The following ESAM variants were observed in gnomAD, a reference collection of about 807,000 sequenced individuals.
The protein encoded by ESAM is endothelial cell-selective adhesion molecule.
A neutral mutation model predicts 31.8 loss-of-function variants in ESAM; 23 were observed. The ratio of observed to expected loss-of-function variants is 0.72; its 90% confidence interval spans 0.52 to 1.03. ESAM has a LOEUF of 1.03. Ranked by LOEUF, ESAM falls within the 50% of genes least tolerant of loss-of-function variation. The probability of loss-of-function intolerance (pLI) is 0.00; values close to 1 mark genes in which losing one functional copy is unlikely to be tolerated. For synonymous variants in ESAM, 216 were observed against 207.2 expected, an observed-to-expected ratio of 1.04 and a Z score of -0.37; for missense variants, 478 against 488.9, an observed-to-expected ratio of 0.98 and a Z score of 0.21.
chr11:124,754,857 C>G lies in ESAM; in HGVS notation c.608-94G>C, dbSNP rs1458855879. 6.8e-7 allele frequency: 1 copy of G among 1,477,866 alleles called. No homozygotes were observed. Among genetic ancestry groups the G allele is most frequent in the Non-Finnish European group, 9.0e-7 (1 of 1,107,118 alleles). 91.5% of individuals were successfully genotyped at this position (1,477,866 alleles called of 1,614,324 possible). A position where few individuals can be genotyped will look rare whatever the true frequency, so the allele number is the denominator to read the frequency against. ...CCTCCTCTGGAATGTCCCCTTTGAC[C>G]CTCTGGGAGTCACGGCTTGTCTATT... is the stretch of plus-strand genomic sequence containing the variant. On this transcript the variant is annotated intron_variant, in intron 4 of 6. Transcript: ENST00000278927. This position sits in a 1 kb window ranked among gnomAD's most constrained non-coding sequence, Gnocchi z 4.5.
rs1329684504 is a variant in ESAM at position 124,759,976 on chromosome 11, C to T, written c.71-1449G>A. On this transcript the variant is annotated intron_variant, in intron 1 of 6. Coordinates refer to ENST00000278927, the MANE Select transcript of ESAM (RefSeq NM_138961.3). The surrounding 1 kb of genome is among the most constrained non-coding windows in gnomAD (Gnocchi z 6.8). ...CCCCAGCCTTTCTACGACACACACC[C>T]GGCGGCCAGAAAGGGTTTCCGCCGG... Among the ~76,000 whole-genome samples, 1 of 152,252 alleles carries T rather than the reference C, an allele frequency of 6.6e-6. No homozygotes were observed. The highest frequency in any genetic ancestry group is 1.9e-4 in the East Asian group (1 of 5,188).
chr11:124,758,256 T>C, intron 2 of ESAM, 93 bp downstream of exon 2: 2 of 1,414,982 alleles, frequency 1.4e-6, no homozygotes, highest in Non-Finnish European at 9.8e-7. Flanking sequence ...CCGGCCCCCA[T>C]TCCCTCTCCA....
chr11:124,756,807 C>G, intron 2 of ESAM, 65 bp from the exon 3 acceptor site: 1 of 1,533,662 alleles, frequency 6.5e-7, no homozygotes, highest in Non-Finnish European at 8.9e-7. Flanking sequence ...CAGGCTCAGC[C>G]ACTCTCCCTC....
chr11:124,755,633 AAC>A (rs570230311), intron 4 of ESAM, among the ~76,000 whole-genome samples: 20 of 151,734 alleles, frequency 1.3e-4, no homozygotes, highest in Non-Finnish European at 2.4e-4. Flanking sequence ...ACCTAGATCC[AAC>A]AGTTGCTAAC....
chr11:124,758,592 C>A (rs1944186626), intron 1 of ESAM, 65 bp from the exon 2 acceptor site: 1 of 1,436,202 alleles, frequency 7.0e-7, no homozygotes, highest in Non-Finnish European at 9.1e-7. Context: ...GGACCCTGCC[C>A]TACGCGGCTT....
At position 124,759,398 on chromosome 11, in the gene ESAM, A is replaced by G. The variant is rs1944199722; in HGVS notation, c.71-871T>C. 1 of 152,352 alleles carries G rather than the reference A, an allele frequency of 6.6e-6. No homozygotes were observed. 9.4% of individuals were successfully genotyped at this position (152,352 alleles called of 1,614,324 possible). A position where few individuals can be genotyped will look rare whatever the true frequency, so the allele number is the denominator to read the frequency against. ...TCATCCTTTGCCCTTCGGGGAGGCA[A>G]CAGAGCAGCCAACTGGTAAGCCCTT... On this transcript the variant is annotated intron_variant, in intron 1 of 6. Coordinates refer to ENST00000278927, the MANE Select transcript of ESAM (RefSeq NM_138961.3). The surrounding 1 kb of genome is among the most constrained non-coding windows in gnomAD (Gnocchi z 6.8).
rs116606979 is a variant in ESAM at position 124,758,505 on chromosome 11, C to A, written c.93G>T (p.Leu31=). ...SALAPPSRAQ[L]QLHLPANRLQ... ...ACCGGTTGGCGGGCAAGTGCAGTTG[C>A]AGCTGGGCCCGCGAGGGGGGCGCTG... is the stretch of plus-strand genomic sequence containing the variant. Residue 31 remains leucine, a synonymous_variant, in exon 2 of 7, where the codon CTG becomes CTT. Transcript: ENST00000278927. 5,109 of 1,587,602 alleles carry A rather than the reference C, an allele frequency of 3.2e-3. 14 individuals carry two copies. The highest frequency in any genetic ancestry group is 3.9e-3 in the Non-Finnish European group (4,594 of 1,166,742).
In ESAM at chr11:124,753,681, C is replaced by T. The variant is rs369537646; in HGVS notation, c.1138G>A (p.Val380Met). ...GAGCCAGCTTGACTCTGGGCAGGCA[C>T]CATCACAGGCACAGCACCCATGCGG... ...LSRMGAVPVM[V>M]PAQSQAGSLV is the part of the protein sequence containing the mutation. The change falls in exon 7 of 7, where the codon GTG becomes ATG. Residue 380 changes from valine to methionine, a missense_variant. Val to Met is a conservative substitution (Grantham distance 21). Coordinates refer to ENST00000278927, the MANE Select transcript of ESAM (RefSeq NM_138961.3). The T allele has an allele frequency of 4.3e-6, 7 of 1,613,814 alleles. No homozygotes were observed. In the African/African-American group the frequency reaches 6.7e-5, roughly 15 times the overall value.
At position 124,756,378 on chromosome 11, in the gene ESAM, C is replaced by A; in HGVS notation, c.452-16G>T. 1 of 1,587,794 alleles carries A rather than the reference C, an allele frequency of 6.3e-7. No homozygotes were observed. Among genetic ancestry groups the A allele is most frequent in the Non-Finnish European group, 8.6e-7 (1 of 1,166,224 alleles). ...GCTGGAGGAACTGGGCAGGGGGAGA[C>A]AGATTAAAACCACACCCAGGAGACC... On this transcript the variant is annotated splice_polypyrimidine_tract_variant and intron_variant, in intron 3 of 6. Coordinates refer to ENST00000278927, the MANE Select transcript of ESAM (RefSeq NM_138961.3).
chr11:124,754,912 G>A lies in ESAM; in HGVS notation c.608-149C>T. 1 of 1,063,054 alleles carries A rather than the reference G, an allele frequency of 9.4e-7. No homozygotes were observed. The highest frequency in any genetic ancestry group is 1.3e-6 in the Non-Finnish European group (1 of 761,244). The allele number at this position is 1,063,054 out of a possible 1,614,324, so 65.9% of individuals were successfully genotyped here. Reference sequence around the variant, plus strand: ...GATGGGGGGAGAGGTGTGACAGCTGGGCTTGGCTCCCAGCTGCAGACTGAC... The same window carrying A: ...GATGGGGGGAGAGGTGTGACAGCTGAGCTTGGCTCCCAGCTGCAGACTGAC... On this transcript the variant is annotated intron_variant, in intron 4 of 6. Transcript: ENST00000278927. The surrounding 1 kb of genome is among the most constrained non-coding windows in gnomAD (Gnocchi z 4.5).
At chr11:124,756,093 C>T (rs1196384596) in intron 4 of ESAM, 114 bp downstream of exon 4, 1 of 1,428,700 alleles carries the variant, frequency 7.0e-7, no homozygotes, top group Non-Finnish European at 9.6e-7. Flanking sequence ...CATCCTCCTC[C>T]TCCTCCCCAG....
chr11:124,754,687 A>G lies in ESAM; in HGVS notation c.684T>C (p.Asn228=). The change falls in exon 5 of 7, where the codon AAT becomes AAC. Residue 228 remains asparagine, a synonymous_variant. Coordinates refer to ENST00000278927, the MANE Select transcript of ESAM (RefSeq NM_138961.3). The surrounding 1 kb of genome is among the most constrained non-coding windows in gnomAD (Gnocchi z 4.5). Reference sequence around the variant, plus strand: ...CATTACATTGGGCAGTGCCCACCTCATTGTGGGCCTTGCAGACATAGACTC... The same window carrying G: ...CATTACATTGGGCAGTGCCCACCTCGTTGTGGGCCTTGCAGACATAGACTC... ...MAGVYVCKAH[N]EVGTAQCNVT... 1 of 1,613,898 alleles carries G rather than the reference A, an allele frequency of 6.2e-7. No individual in the cohort carries two copies.
rs901499159 is a variant in ESAM at position 124,759,979 on chromosome 11, C to A, written c.71-1452G>T. ...CAGCCTTTCTACGACACACACCCGG[C>A]GGCCAGAAAGGGTTTCCGCCGGGAA... On this transcript the variant is annotated intron_variant, in intron 1 of 6. Transcript: ENST00000278927. This position sits in a 1 kb window ranked among gnomAD's most constrained non-coding sequence, Gnocchi z 6.8. Among the ~76,000 whole-genome samples the A allele has an allele frequency of 6.6e-6, 1 of 152,228 alleles. No homozygotes were observed. The highest frequency in any genetic ancestry group is 2.4e-5 in the African/African-American group (1 of 41,464).
chr11:124,755,891 T>C (rs1944147249), intron 4 of ESAM, among the ~76,000 whole-genome samples: 1 of 152,226 alleles, frequency 6.6e-6, no homozygotes, highest in Non-Finnish European at 1.5e-5. Flanking sequence ...CAAGCTGATA[T>C]GTGTAAAATC....
Position 124,758,413 on chromosome 11 carries a change from G to A in ESAM, c.185C>T (p.Ser62Leu). ...AWYTLHGEVS[S>L]SQPWEVPFVM... ...AAAGGGCACCTCCCATGGCTGGGAT[G>A]AAGACACCTCCCCGTGCAAGGTGTA... The change falls in exon 2 of 7, where the codon TCA becomes TTA. Residue 62 changes from serine (S) to leucine (L), a missense_variant. Transcript: ENST00000278927. 6.2e-7 allele frequency: 1 copy of A among 1,614,156 alleles called. No individual in the cohort carries two copies. The highest frequency in any genetic ancestry group is 8.5e-7 in the Non-Finnish European group (1 of 1,180,030).
intron 2 of ESAM, chr11:124,757,583 A>G (rs1076095): frequency 0.23 from 35,313 of 152,170 alleles, 5,785 homozygotes; most frequent in African/African-American, 0.47. Context: ...CTTGGCTCTC[A>G]AGGTGGTATA....
intron 1 of ESAM, among the ~76,000 whole-genome samples, chr11:124,760,167 G>A (rs1049198678): frequency 3.9e-5 from 6 of 152,200 alleles, no homozygotes; most frequent in South Asian, 2.1e-4. Context: ...CTTGCCCTTC[G>A]CCCTGTCAGA....
chr11:124,758,394 C>T lies in ESAM; in HGVS notation c.204G>A (p.Val68=). The T allele has an allele frequency of 6.2e-7, 1 of 1,614,186 alleles. No individual in the cohort carries two copies. Among genetic ancestry groups the T allele is most frequent in the Non-Finnish European group, 8.5e-7 (1 of 1,180,030 alleles). The part of the protein sequence containing the change: ...GEVSSSQPWE[V]PFVMWFFKQK... ...GTTTGAAGAACCACATCACAAAGGG[C>T]ACCTCCCATGGCTGGGATGAAGACA... is the stretch of plus-strand genomic sequence containing the variant. Residue 68 remains valine, a synonymous_variant, in exon 2 of 7, where the codon GTG becomes GTA. Transcript: ENST00000278927.
Position 124,754,432 on chromosome 11 carries a change from C to A in ESAM, c.731-92G>T. On this transcript the variant is annotated intron_variant, in intron 5 of 6. Transcript: ENST00000278927. The surrounding 1 kb of genome is among the most constrained non-coding windows in gnomAD (Gnocchi z 4.5). The stretch of plus-strand genomic sequence containing the variant: ...TCTCCCCACCCCATCTGCCACCATA[C>A]ACATTCCCTCTTTTTCCCTGTCAAG... The A allele has an allele frequency of 4.6e-6, 7 of 1,533,262 alleles. No homozygotes were observed. The highest frequency in any genetic ancestry group is 4.6e-5 in the East Asian group (2 of 43,886). The allele number at this position is 1,533,262 out of a possible 1,614,324, so 95.0% of individuals were successfully genotyped here.
Sources: allele counts gnomAD v4.1 joint callset (sites outside exome capture counted in the v4.1 genomes callset), GRCh38; gene constraint gnomAD v4.1.1; non-coding constraint Gnocchi (gnomAD v3.1); transcripts MANE v1.5; gene names NCBI Gene and HGNC (gene_info 2026-07-23, HGNC 2026-07-21).